Variants in GRID2 observed in about 807,000 individuals in gnomAD.
The protein encoded by GRID2 is glutamate ionotropic receptor delta type subunit 2.
In GRID2, 33 loss-of-function variants were observed where a neutral mutation model predicts 114.8. The observed-to-expected ratio is 0.29, with a 90% CI of 0.22 to 0.38. GRID2 has a LOEUF of 0.38. GRID2 is among the 10% of genes least tolerant of loss of function. The pLI, the probability that GRID2 is intolerant of heterozygous loss-of-function variation, is 1.00. For synonymous variants in GRID2, 505 were observed against 449.9 expected, an observed-to-expected ratio of 1.12 and a Z score of -1.55; for missense variants, 1,184 against 1,257.7, an observed-to-expected ratio of 0.94 and a Z score of 0.89.
intron 2 of GRID2, among the ~76,000 whole-genome samples, chr4:92,903,960 T>C (rs1191901379): frequency 1.3e-5 from 2 of 151,932 alleles, no homozygotes; most frequent in African/African-American, 2.4e-5. Context: ...TATCTAAACA[T>C]CATTCTCATC....
chr4:92,712,294 A>G (rs963037813), intron 2 of GRID2, among the ~76,000 whole-genome samples: 1 of 152,072 alleles, frequency 6.6e-6, no homozygotes, highest in South Asian at 2.1e-4. Flanking sequence ...TATGTTCTAC[A>G]TTATTATTTT....
At chr4:92,865,815 A>G (rs575028578) in intron 2 of GRID2, among the ~76,000 whole-genome samples, 440 of 152,380 alleles carry the variant, frequency 2.9e-3, no homozygotes, top group Middle Eastern at 0.014. Context: ...TTGATTATCA[A>G]GAAACGGCAA....
intron 13 of GRID2, among the ~76,000 whole-genome samples, chr4:93,552,949 C>A (rs183128871): frequency 0.012 from 1,814 of 152,174 alleles, 33 homozygotes; most frequent in African/African-American, 0.041. Flanking sequence ...TATGTCCCTG[C>A]AAAGGACATG....
chr4:93,200,390 C>T (rs1397740027), intron 4 of GRID2, among the ~76,000 whole-genome samples: 1 of 151,942 alleles, frequency 6.6e-6, no homozygotes, highest in African/African-American at 2.4e-5. Context: ...CACGGTGAAA[C>T]CCCGTCTCTA....
intron 8 of GRID2, among the ~76,000 whole-genome samples, chr4:93,340,498 T>C (rs1223338725): frequency 2.0e-5 from 3 of 152,180 alleles, no homozygotes; most frequent in Non-Finnish European, 4.4e-5. Flanking sequence ...AAGTGCTAAT[T>C]AGAAGGGGAG....
intron 13 of GRID2, among the ~76,000 whole-genome samples, chr4:93,604,634 T>C (rs535070827): frequency 2.6e-5 from 4 of 152,170 alleles, no homozygotes; most frequent in Non-Finnish European, 5.9e-5. Flanking sequence ...AAATCTTTTG[T>C]GAAAGAAAAA....
chr4:92,958,276 AG>A (rs1752562245), intron 2 of GRID2, among the ~76,000 whole-genome samples: 1 of 152,072 alleles, frequency 6.6e-6, no homozygotes, highest in Non-Finnish European at 1.5e-5. Flanking sequence ...GTTGGCCATC[AG>A]TTCCTTTGTA....
At chr4:93,412,843 A>C (rs926221127) in intron 9 of GRID2, among the ~76,000 whole-genome samples, 1 of 152,046 alleles carries the variant, frequency 6.6e-6, no homozygotes, top group Non-Finnish European at 1.5e-5. Flanking sequence ...GAGAACATGA[A>C]GTGTTTGGTT....
intron 2 of GRID2, among the ~76,000 whole-genome samples, chr4:92,593,978 G>T (rs1301166773): frequency 6.6e-6 from 1 of 151,042 alleles, no homozygotes; most frequent in Non-Finnish European, 1.5e-5. Flanking sequence ...AGAATTATAG[G>T]GGTGGAAAAT....
At position 93,058,847 on chromosome 4, in the gene GRID2, A is replaced by C. The variant is rs7691884; in HGVS notation, c.245-26148A>C. On this transcript the variant is annotated intron_variant, in intron 2 of 15. Transcript: ENST00000282020. The stretch of plus-strand genomic sequence containing the variant: ...AATAAATGCTTTTCTTTACCCAGTA[A>C]ATTTAATGCAATTTCAGTATATTAA... 4.3e-3 allele frequency among the ~76,000 whole-genome samples: 655 copies of C among 152,142 alleles called. 4 individuals carry two copies. Among genetic ancestry groups the C allele is most frequent in the African/African-American group, 0.015 (633 of 41,554 alleles).
At chr4:93,468,094 C>G (rs1401988664) in intron 11 of GRID2, among the ~76,000 whole-genome samples, 1 of 152,240 alleles carries the variant, frequency 6.6e-6, no homozygotes, top group East Asian at 1.9e-4. Flanking sequence ...TGTCTGAATT[C>G]CTCTGTGATA....
chr4:93,762,915 G>C (rs898166951), intron 14 of GRID2, among the ~76,000 whole-genome samples: 1 of 152,064 alleles, frequency 6.6e-6, no homozygotes, highest in Non-Finnish European at 1.5e-5. Context: ...GAATCATCAG[G>C]GGCTGGATAA....
intron 2 of GRID2, among the ~76,000 whole-genome samples, chr4:92,887,775 T>C (rs996244275): frequency 6.6e-6 from 1 of 152,222 alleles, no homozygotes. Context: ...GTGCCTCCTG[T>C]TTTCTTTACC....
At chr4:93,141,524 A>G (rs1315846432) in intron 4 of GRID2, among the ~76,000 whole-genome samples, 1 of 152,212 alleles carries the variant, frequency 6.6e-6, no homozygotes, top group African/African-American at 2.4e-5. Context: ...TTAAAATAGA[A>G]AACTAAGGTA....
intron 2 of GRID2, among the ~76,000 whole-genome samples, chr4:92,940,911 A>T (rs1257549846): frequency 3.3e-5 from 5 of 152,186 alleles, no homozygotes; most frequent in African/African-American, 4.8e-5. Context: ...CATCCCACGG[A>T]TGAAGCCCTC....
intron 9 of GRID2, among the ~76,000 whole-genome samples, chr4:93,400,647 G>A (rs963683428): frequency 2.6e-5 from 4 of 152,148 alleles, no homozygotes; most frequent in African/African-American, 7.2e-5. Flanking sequence ...AAAGGCGTGC[G>A]AAGCTATGCT....
chr4:93,433,854 T>G (rs545745584), intron 10 of GRID2, among the ~76,000 whole-genome samples: 1 of 152,312 alleles, frequency 6.6e-6, no homozygotes, highest in Non-Finnish European at 1.5e-5. Flanking sequence ...AGTCCCTTCA[T>G]TTTTTACACC....
intron 2 of GRID2, among the ~76,000 whole-genome samples, chr4:92,839,967 C>T (rs1049739909): frequency 2.0e-5 from 3 of 151,886 alleles, no homozygotes; most frequent in African/African-American, 7.3e-5. Flanking sequence ...CTCTTTAGCT[C>T]TAATAATATT....
chr4:92,733,504 G>A lies in GRID2; in HGVS notation c.244+143218G>A, dbSNP rs115649944. Among the ~76,000 whole-genome samples the A allele has an allele frequency of 4.7e-3, 710 of 152,174 alleles. 3 individuals carry two copies. The highest frequency in any genetic ancestry group is 0.016 in the African/African-American group (681 of 41,542). On this transcript the variant is annotated intron_variant, in intron 2 of 15. Coordinates refer to ENST00000282020, the MANE Select transcript of GRID2 (RefSeq NM_001510.4). ...AGTCAGGGGACAGGACTGAAAAGAAGTGTGGAGTTAAATAAGTAGATAGCC... is the reference window on the plus strand; with the variant it reads ...AGTCAGGGGACAGGACTGAAAAGAAATGTGGAGTTAAATAAGTAGATAGCC...
Sources: allele counts gnomAD v4.1 joint callset (sites outside exome capture counted in the v4.1 genomes callset), GRCh38; gene constraint gnomAD v4.1.1; transcripts MANE v1.5; gene names NCBI Gene and HGNC (gene_info 2026-07-23, HGNC 2026-07-21).